SPTA1: variants seen among roughly 807,000 people sequenced by gnomAD.
SPTA1 encodes the protein spectrin alpha, erythrocytic 1, also known as spectrin alpha chain, erythrocytic 1.
Under a neutral mutation model 324.7 loss-of-function variants are expected in SPTA1, and 177 were observed. The observed-to-expected ratio is 0.55, with a 90% CI of 0.48 to 0.62. The LOEUF (loss-of-function observed/expected upper bound fraction) is 0.62, where lower values mean the gene tolerates loss of function less well. SPTA1 is among the 20% of genes least tolerant of loss of function. The pLI, the probability that SPTA1 is intolerant of heterozygous loss-of-function variation, is 0.00. For synonymous variants in SPTA1, 1,195 were observed against 1,041.3 expected, an observed-to-expected ratio of 1.15 and a Z score of -2.84; for missense variants, 3,162 against 2,883.6, an observed-to-expected ratio of 1.10 and a Z score of -2.21.
Position 158,662,950 on chromosome 1 carries a change from G to A in SPTA1, c.2221-5C>T, listed in dbSNP as rs369032432. The A allele has an allele frequency of 1.2e-6, 2 of 1,613,740 alleles. No individual in the cohort carries two copies. Among genetic ancestry groups the A allele is most frequent in the Non-Finnish European group, 1.7e-6 (2 of 1,179,916 alleles). Reference sequence around the variant, plus strand: ...TGTAAGGATATCCACCTGATCCTAAGGGAGAAATAGAATGAATGCGAAGAA... The same window carrying A: ...TGTAAGGATATCCACCTGATCCTAAAGGAGAAATAGAATGAATGCGAAGAA... On this transcript the variant is annotated splice_region_variant and splice_polypyrimidine_tract_variant and intron_variant, in intron 16 of 51. Coordinates refer to ENST00000643759, the MANE Select transcript of SPTA1 (RefSeq NM_003126.4).
At chr1:158,627,112 A>T in intron 40 of SPTA1, 105 bp from the exon 41 acceptor site, 2 of 1,422,784 alleles carry the variant, frequency 1.4e-6, no homozygotes, top group East Asian at 2.3e-5. Flanking sequence ...CAAATATATA[A>T]CCAAGTGTGA....
chr1:158,654,025 T>C (rs1652651691), intron 21 of SPTA1, among the ~76,000 whole-genome samples: 1 of 152,246 alleles, frequency 6.6e-6, no homozygotes. Flanking sequence ...CATTTACTTG[T>C]CTTTGGAATA....
chr1:158,668,938 G>T (rs1653804672), intron 14 of SPTA1, among the ~76,000 whole-genome samples: 1 of 151,848 alleles, frequency 6.6e-6, no homozygotes. Flanking sequence ...TAAAATAAGG[G>T]GCTGTTCTCT....
At position 158,638,110 on chromosome 1, in the gene SPTA1, T is replaced by C; in HGVS notation, c.5112A>G (p.Ala1704=). Residue 1704 remains alanine (A), a synonymous_variant, in exon 36 of 52, where the codon GCA becomes GCG. Transcript: ENST00000643759. Reference sequence around the variant, plus strand: ...AGGCCTCTTTCAATTTTTCGTGGTGTGCAGCTGCCAATTCTTGGACATTCA... The same window carrying C: ...AGGCCTCTTTCAATTTTTCGTGGTGCGCAGCTGCCAATTCTTGGACATTCA... ...RFLNVQELAA[A]HHEKLKEAYA... 1 of 1,614,090 alleles carries C rather than the reference T, an allele frequency of 6.2e-7. No individual in the cohort carries two copies. Among genetic ancestry groups the C allele is most frequent in the Non-Finnish European group, 8.5e-7 (1 of 1,179,966 alleles).
intron 43 of SPTA1, chr1:158,622,723 C>T (rs750019174): frequency 6.8e-6 from 3 of 442,720 alleles, no homozygotes; most frequent in East Asian, 9.5e-5. Context: ...ACCTCCCATC[C>T]TCTTGTTCCA....
intron 18 of SPTA1, among the ~76,000 whole-genome samples, chr1:158,660,801 A>G (rs16840458): frequency 0.088 from 13,361 of 152,248 alleles, 1,943 homozygotes; most frequent in African/African-American, 0.3. Context: ...ATACTTAAGC[A>G]TCAGGAATTT....
intron 20 of SPTA1, among the ~76,000 whole-genome samples, chr1:158,655,908 G>A (rs908052636): frequency 1.3e-5 from 2 of 152,118 alleles, no homozygotes; most frequent in Non-Finnish European, 2.9e-5. Context: ...CAGTGCATTT[G>A]CTCTCATGGT....
chr1:158,647,386 A>T (rs1331904581), intron 27 of SPTA1, among the ~76,000 whole-genome samples, 153 bp downstream of exon 27: 3 of 152,152 alleles, frequency 2.0e-5, no homozygotes, highest in Non-Finnish European at 4.4e-5. Flanking sequence ...TATTGCTTCT[A>T]GTTTCAAACC....
intron 23 of SPTA1, among the ~76,000 whole-genome samples, chr1:158,652,178 AAAGTATAGTAT>A (rs1447289459): frequency 1.3e-5 from 2 of 152,150 alleles, no homozygotes; most frequent in Non-Finnish European, 2.9e-5. Context: ...CACTGGAAAC[AAAGTATAGTAT>A]AGGGCAAGTT....
At chr1:158,660,079 A>G (rs1305004253) in intron 18 of SPTA1, among the ~76,000 whole-genome samples, 1 of 152,222 alleles carries the variant, frequency 6.6e-6, no homozygotes, top group Non-Finnish European at 1.5e-5. Context: ...TGAAGATAAG[A>G]TGGAATCACA....
intron 24 of SPTA1, 81 bp downstream of exon 24, chr1:158,651,286 A>T: frequency 1.1e-6 from 1 of 909,506 alleles, no homozygotes; most frequent in South Asian, 1.3e-5. Flanking sequence ...TCTGCAGAAT[A>T]TAAAGTTCCA....
At chr1:158,683,281 G>T in intron 3 of SPTA1, 90 bp downstream of exon 3, 1 of 1,582,094 alleles carries the variant, frequency 6.3e-7, no homozygotes. Flanking sequence ...GTATAAGCCA[G>T]CCACTCAAGG....
chr1:158,619,238 A>G lies in SPTA1; in HGVS notation c.6514T>C (p.Trp2172Arg). Residue 2172 changes from tryptophan (W) to arginine (R), a missense_variant, in exon 45 of 52, where the codon TGG becomes CGG. By Grantham distance (101) the Trp-to-Arg change is moderately radical (BLOSUM62 -3). Coordinates refer to ENST00000643759, the MANE Select transcript of SPTA1 (RefSeq NM_003126.4). ...ATAGCACACCTGGTTTCCAGGATCC[A>G]TTGAAGGAAGGTACTGGCATTCTGT... ...FEQNASTFLQ[W>R]ILETRAYFLD... 2 of 1,614,094 alleles carry G rather than the reference A, an allele frequency of 1.2e-6. No individual in the cohort carries two copies. Among genetic ancestry groups the G allele is most frequent in the Non-Finnish European group, 1.7e-6 (2 of 1,179,960 alleles).
At chr1:158,661,474 T>G (rs1363637848) in intron 17 of SPTA1, 65 bp from the exon 18 acceptor site, 6 of 1,608,238 alleles carry the variant, frequency 3.7e-6, no homozygotes, top group Non-Finnish European at 4.2e-6. Flanking sequence ...ATACCTCACT[T>G]TTTTAGAACT....
Position 158,620,216 on chromosome 1 carries a change from A to G in SPTA1, c.6371T>C (p.Val2124Ala). 1.9e-6 allele frequency: 3 copies of G among 1,614,080 alleles called. No homozygotes were observed. Among genetic ancestry groups the G allele is most frequent in the Admixed American group, 1.7e-5 (1 of 60,004 alleles). Residue 2124 changes from valine to alanine, a missense_variant, in exon 44 of 52, where the codon GTG (valine) becomes GCG (alanine). Transcript: ENST00000643759. Reference protein sequence around the residue: ...VPSSPYTWLTVEVLERTWKHL... With the variant: ...VPSSPYTWLTAEVLERTWKHL... Reference sequence around the variant, plus strand: ...CTTCCAGGTCCTTTCCAGCACCTCCACTGTTAACCAGGTATAAGGGCTGGA... The same window carrying G: ...CTTCCAGGTCCTTTCCAGCACCTCCGCTGTTAACCAGGTATAAGGGCTGGA...
At chr1:158,653,702 G>T (rs888401380) in intron 21 of SPTA1, among the ~76,000 whole-genome samples, 11 of 152,134 alleles carry the variant, frequency 7.2e-5, no homozygotes, top group Admixed American at 2.6e-4. Flanking sequence ...TAATGATGGG[G>T]CACTTTGTTC....
At chr1:158,622,011 C>A (rs1042866040) in intron 43 of SPTA1, among the ~76,000 whole-genome samples, 36 of 152,116 alleles carry the variant, frequency 2.4e-4, no homozygotes, top group African/African-American at 8.2e-4. Flanking sequence ...ACTACAGGTG[C>A]CCGCCACCAC....
intron 41 of SPTA1, 44 bp from the exon 42 acceptor site, chr1:158,626,266 G>T (rs951939757): frequency 6.3e-7 from 1 of 1,577,124 alleles, no homozygotes; most frequent in Non-Finnish European, 8.7e-7. Context: ...ATTTGGTCTT[G>T]TTTGAGTCCT....
chr1:158,683,571 A>G, intron 2 of SPTA1, 75 bp from the exon 3 acceptor site: 2 of 1,594,058 alleles, frequency 1.3e-6, no homozygotes, highest in South Asian at 2.2e-5. Flanking sequence ...ATGTAAAGCC[A>G]CCAAACACAG....
Sources: gnomAD v4.1 joint callset for allele counts (sites outside exome capture counted in the v4.1 genomes callset) on GRCh38, gnomAD v4.1.1 for gene constraint, MANE v1.5 for transcripts, NCBI Gene and HGNC (gene_info 2026-07-23, HGNC 2026-07-21) for gene names.